The following MARCHF1 variants were observed in gnomAD, a reference collection of about 807,000 sequenced individuals.
The protein encoded by MARCHF1 is E3 ubiquitin-protein ligase MARCHF1.
MARCHF1 carries 40 observed loss-of-function variants against 54.2 expected under a neutral mutation model. The observed-to-expected ratio is 0.74, with a 90% CI of 0.57 to 0.96. The LOEUF is 0.96. MARCHF1 is among the 40% of genes least tolerant of loss of function. MARCHF1 has a pLI of 0.00. For missense variants in MARCHF1, 586 were observed against 656.5 expected, an observed-to-expected ratio of 0.89 and a Z score of 1.17; for synonymous variants, 236 against 236.3, an observed-to-expected ratio of 1.00 and a Z score of 0.01.
intron 4 of MARCHF1, among the ~76,000 whole-genome samples, chr4:163,723,537 G>A (rs189794179): frequency 1.1e-3 from 169 of 152,128 alleles, no homozygotes; most frequent in Non-Finnish European, 1.8e-3. Flanking sequence ...TCTTTGTGGC[G>A]TTCTCTGTAT....
intron 1 of MARCHF1, among the ~76,000 whole-genome samples, chr4:164,122,131 TAA>T (rs748878591): frequency 1.3e-5 from 2 of 152,044 alleles, no homozygotes; most frequent in Non-Finnish European, 2.9e-5. Context: ...AAGCATTTAA[TAA>T]AATTCAACAT....
chr4:164,244,021 C>A (rs374838689), intron 1 of MARCHF1, among the ~76,000 whole-genome samples: 3 of 152,024 alleles, frequency 2.0e-5, no homozygotes, highest in Non-Finnish European at 2.9e-5. Flanking sequence ...GACTTTAACA[C>A]CCCACTGTCA....
chr4:164,064,412 AT>A (rs1304137329), intron 2 of MARCHF1, among the ~76,000 whole-genome samples: 4 of 152,068 alleles, frequency 2.6e-5, no homozygotes, highest in African/African-American at 9.7e-5. Flanking sequence ...TTTTGTGGCA[AT>A]TGTGAAAGGG....
chr4:164,334,582 G>A (rs1269170623), intron 1 of MARCHF1, among the ~76,000 whole-genome samples: 1 of 151,766 alleles, frequency 6.6e-6, no homozygotes, highest in Non-Finnish European at 1.5e-5. Context: ...CGATCACCAA[G>A]AACTCTGATG....
At chr4:163,809,473 G>C (rs1005021021) in intron 4 of MARCHF1, among the ~76,000 whole-genome samples, 13 of 152,116 alleles carry the variant, frequency 8.5e-5, no homozygotes, top group African/African-American at 3.1e-4. Flanking sequence ...TCTTTGGTAA[G>C]AGAAAATTTC....
At chr4:163,873,034 A>C (rs1278624574) in intron 3 of MARCHF1, among the ~76,000 whole-genome samples, 1 of 149,794 alleles carries the variant, frequency 6.7e-6, no homozygotes, top group Non-Finnish European at 1.5e-5. Context: ...ACAGAGCGAG[A>C]CTCCGTCTCA....
At chr4:164,207,547 A>G (rs1261163196) in intron 1 of MARCHF1, among the ~76,000 whole-genome samples, 2 of 152,234 alleles carry the variant, frequency 1.3e-5, no homozygotes, top group Admixed American at 1.3e-4. Context: ...CCGGAAAGAG[A>G]TAAAACCTCA....
intron 5 of MARCHF1, among the ~76,000 whole-genome samples, chr4:163,661,926 TTGA>T (rs1175393631): frequency 2.6e-5 from 4 of 152,112 alleles, no homozygotes; most frequent in Non-Finnish European, 5.9e-5. Flanking sequence ...TGCCATTCAA[TTGA>T]TGGTTGACTG....
At chr4:163,580,797 A>G (rs1361172450) in intron 8 of MARCHF1, among the ~76,000 whole-genome samples, 1 of 75,360 alleles carries the variant, frequency 1.3e-5, no homozygotes, top group Non-Finnish European at 3.1e-5. Context: ...TAAGTATTAA[A>G]GTTTTTTTTT....
chr4:164,066,597 G>A (rs561388555), intron 2 of MARCHF1, among the ~76,000 whole-genome samples: 12 of 152,248 alleles, frequency 7.9e-5, no homozygotes, highest in Non-Finnish European at 1.5e-4. Context: ...ATTCACAATA[G>A]CAAAGAAATG....
intron 1 of MARCHF1, among the ~76,000 whole-genome samples, chr4:164,332,936 C>T (rs1417167288): frequency 1.3e-5 from 2 of 151,854 alleles, no homozygotes; most frequent in East Asian, 3.9e-4. Context: ...TGAAAGTATA[C>T]AAATATACTT....
intron 1 of MARCHF1, among the ~76,000 whole-genome samples, chr4:164,242,520 G>C (rs1410181771): frequency 6.6e-6 from 1 of 150,754 alleles, no homozygotes. Context: ...AAACCACAAA[G>C]ATGGGGAAAA....
At chr4:163,531,088 G>GTCT (rs1738332537) in intron 9 of MARCHF1, among the ~76,000 whole-genome samples, 1 of 151,848 alleles carries the variant, frequency 6.6e-6, no homozygotes, top group South Asian at 2.1e-4. Context: ...ATGTTCTACA[G>GTCT]TCTTTTCCAG....
chr4:164,091,965 A>T (rs1169580599), intron 2 of MARCHF1, among the ~76,000 whole-genome samples: 3 of 151,820 alleles, frequency 2.0e-5, no homozygotes, highest in African/African-American at 7.3e-5. Flanking sequence ...ATGACCCAAA[A>T]TGTGCATGTC....
chr4:163,931,989 C>T (rs1004269554), intron 3 of MARCHF1, among the ~76,000 whole-genome samples: 1 of 152,054 alleles, frequency 6.6e-6, no homozygotes, highest in Non-Finnish European at 1.5e-5. Flanking sequence ...AAGTGAGTCA[C>T]ATTTTGTTTT....
intron 4 of MARCHF1, among the ~76,000 whole-genome samples, chr4:163,835,651 G>A (rs1749159775): frequency 6.6e-6 from 1 of 152,162 alleles, no homozygotes; most frequent in Non-Finnish European, 1.5e-5. Flanking sequence ...CAATTTCAGA[G>A]TTTACTCTGG....
chr4:163,820,202 C>T lies in MARCHF1; in HGVS notation c.111+33819G>A, dbSNP rs189514736. 1.2e-3 allele frequency among the ~76,000 whole-genome samples: 177 copies of T among 152,074 alleles called. 2 individuals are homozygous for T. The highest frequency in any genetic ancestry group is 0.011 in the Admixed American group (165 of 15,238). On this transcript the variant is annotated intron_variant, in intron 4 of 9. Coordinates refer to ENST00000514618, the MANE Select transcript of MARCHF1 (RefSeq NM_001394959.1). ...GAGGACGGTGCTGACTTTACATCACCGAATCCAATACATATTTTTTACTCT... is the reference window on the plus strand; with the variant it reads ...GAGGACGGTGCTGACTTTACATCACTGAATCCAATACATATTTTTTACTCT...
At chr4:164,124,702 CT>C (rs1318702880) in intron 1 of MARCHF1, among the ~76,000 whole-genome samples, 1 of 152,066 alleles carries the variant, frequency 6.6e-6, no homozygotes, top group Non-Finnish European at 1.5e-5. Context: ...CATGTTCTCA[CT>C]TGTTTGTGGG....
chr4:163,924,735 C>G (rs1751501885), intron 3 of MARCHF1, among the ~76,000 whole-genome samples: 1 of 151,776 alleles, frequency 6.6e-6, no homozygotes, highest in African/African-American at 2.4e-5. Context: ...CTAGTGGATA[C>G]CAAAGCTGGA....
Sources: allele counts gnomAD v4.1 joint callset (sites outside exome capture counted in the v4.1 genomes callset), GRCh38; gene constraint gnomAD v4.1.1; transcripts MANE v1.5; gene names NCBI Gene and HGNC (gene_info 2026-07-23, HGNC 2026-07-21).